The following NALF1 variants were observed in gnomAD, a reference collection of about 807,000 sequenced individuals.
The protein encoded by NALF1 is NALCN channel auxiliary factor 1.
NALF1 carries 3 observed loss-of-function variants against 48.4 expected under a neutral mutation model. The ratio of observed to expected loss-of-function variants is 0.06; its 90% CI spans 0.03 to 0.16. NALF1 has a LOEUF of 0.16. Among genes scored for constraint, NALF1 ranks in the 10% least tolerant of loss-of-function variants. The pLI is 1.00. For missense variants in NALF1, 526 were observed against 571.5 expected, an observed-to-expected ratio of 0.92 and a Z score of 0.81; for synonymous variants, 262 against 245.7, an observed-to-expected ratio of 1.07 and a Z score of -0.62.
chr13:107,188,696 G>A (rs1879225627), intron 2 of NALF1, among the ~76,000 whole-genome samples: 1 of 152,116 alleles, frequency 6.6e-6, no homozygotes, highest in South Asian at 2.1e-4. Flanking sequence ...GAGTAAGGAT[G>A]AGTCCTCCAC....
intron 1 of NALF1, among the ~76,000 whole-genome samples, chr13:107,792,211 T>G (rs191880169): frequency 6.6e-6 from 1 of 152,324 alleles, no homozygotes; most frequent in East Asian, 1.9e-4. Context: ...TCCTATTTGA[T>G]CCATACTAAA....
intron 1 of NALF1, among the ~76,000 whole-genome samples, chr13:107,495,495 A>G (rs1378982980): frequency 6.6e-6 from 1 of 152,222 alleles, no homozygotes; most frequent in African/African-American, 2.4e-5. Context: ...GAATGTTCAC[A>G]AATTCCATAC....
At chr13:107,483,812 A>G (rs539531636) in intron 1 of NALF1, among the ~76,000 whole-genome samples, 1 of 152,128 alleles carries the variant, frequency 6.6e-6, no homozygotes, top group East Asian at 1.9e-4. Context: ...ATATAAATTA[A>G]TATAACATTA....
chr13:107,328,207 A>G (rs9583164), intron 1 of NALF1, among the ~76,000 whole-genome samples: 93 of 151,812 alleles, frequency 6.1e-4, no homozygotes, highest in African/African-American at 2.2e-3. Flanking sequence ...TGTGAGCCAC[A>G]GTGCCTGGCT....
At chr13:107,369,882 T>C (rs1273515437) in intron 1 of NALF1, among the ~76,000 whole-genome samples, 1 of 152,162 alleles carries the variant, frequency 6.6e-6, no homozygotes, top group Non-Finnish European at 1.5e-5. Flanking sequence ...TGATAGTAAT[T>C]GGGGCTTTGT....
At chr13:107,560,169 G>A (rs1877605046) in intron 1 of NALF1, among the ~76,000 whole-genome samples, 1 of 152,166 alleles carries the variant, frequency 6.6e-6, no homozygotes, top group African/African-American at 2.4e-5. Flanking sequence ...TTCAAACAGA[G>A]ATAATCGAAT....
chr13:107,458,456 A>C (rs1016070772), intron 1 of NALF1, among the ~76,000 whole-genome samples: 3 of 152,328 alleles, frequency 2.0e-5, no homozygotes, highest in South Asian at 2.1e-4. Context: ...TGTCGCCGGC[A>C]ATACAGGGAT....
Position 107,170,350 on chromosome 13 carries a change from G to C in NALF1, c.*147C>G. The C allele has an allele frequency of 3.0e-6, 2 of 676,224 alleles. No homozygotes were observed. The highest frequency in any genetic ancestry group is 5.4e-5 in the East Asian group (2 of 36,870). 41.9% of individuals were successfully genotyped at this position (676,224 alleles called of 1,614,324 possible). A position where few individuals can be genotyped will look rare whatever the true frequency, so the allele number is the denominator to read the frequency against. ...AAAGCTGTGGTTGTGTCCTTGTTTG[G>C]ATTCAGGCCCATCTGTTTAAATTTT... On this transcript the variant is annotated 3_prime_UTR_variant, in exon 3 of 3. Coordinates refer to ENST00000375915, the MANE Select transcript of NALF1 (RefSeq NM_001080396.3).
intron 2 of NALF1, among the ~76,000 whole-genome samples, chr13:107,177,623 G>A (rs1219911639): frequency 6.6e-6 from 1 of 152,120 alleles, no homozygotes. Flanking sequence ...CGACAAAGGT[G>A]GCAAATACAT....
chr13:107,177,973 G>A (rs1878972968), intron 2 of NALF1, among the ~76,000 whole-genome samples: 1 of 152,190 alleles, frequency 6.6e-6, no homozygotes, highest in Non-Finnish European at 1.5e-5. Context: ...CTTGAACCCA[G>A]GAGGCAGAGG....
At chr13:107,308,813 T>C (rs1307245708) in intron 1 of NALF1, among the ~76,000 whole-genome samples, 1 of 152,204 alleles carries the variant, frequency 6.6e-6, no homozygotes, top group Non-Finnish European at 1.5e-5. Flanking sequence ...TGACTTACAA[T>C]AGCAAAAGGA....
chr13:107,263,501 ATGT>A (rs1880977764), intron 1 of NALF1, among the ~76,000 whole-genome samples: 2 of 151,992 alleles, frequency 1.3e-5, no homozygotes, highest in South Asian at 4.2e-4. Context: ...TAATTCCCAC[ATGT>A]TGTGGAAGAG....
At chr13:107,305,179 ATCTCTACAATGTGTCCAACACT>A (rs1475488119) in intron 1 of NALF1, among the ~76,000 whole-genome samples, 1 of 152,244 alleles carries the variant, frequency 6.6e-6, no homozygotes, top group African/African-American at 2.4e-5. Context: ...CACTCACAAC[ATCTCTACAATGTGTCCAACACT>A]TTGCTTTAGG....
intron 1 of NALF1, among the ~76,000 whole-genome samples, chr13:107,599,818 A>C (rs189400268): frequency 6.6e-6 from 1 of 152,208 alleles, no homozygotes; most frequent in African/African-American, 2.4e-5. Flanking sequence ...AGTTGTATAG[A>C]GTATGTTAGG....
At chr13:107,760,765 T>C (rs1877239490) in intron 1 of NALF1, among the ~76,000 whole-genome samples, 3 of 152,322 alleles carry the variant, frequency 2.0e-5, no homozygotes, top group South Asian at 4.1e-4. Flanking sequence ...TGTTTTCCTC[T>C]GAAATTTGTG....
chr13:107,234,428 G>A lies in NALF1; in HGVS notation c.916-23673C>T, dbSNP rs541328438. ...TTCATGAAGGGATACGTGTCCTTGA[G>A]GTGGCAGGATTTTGTGTTCTCTGCT... On this transcript the variant is annotated intron_variant, in intron 1 of 2. Coordinates refer to ENST00000375915, the MANE Select transcript of NALF1 (RefSeq NM_001080396.3). Among the ~76,000 whole-genome samples the A allele has an allele frequency of 2.0e-5, 3 of 152,280 alleles. No individual in the cohort carries two copies. The East Asian group carries it at 5.8e-4, about 29-fold the overall frequency.
chr13:107,350,213 C>G (rs748991671), intron 1 of NALF1, among the ~76,000 whole-genome samples: 1 of 152,076 alleles, frequency 6.6e-6, no homozygotes, highest in Non-Finnish European at 1.5e-5. Context: ...CTGTATTGTA[C>G]GTAAAACAGT....
chr13:107,834,699 A>G (rs1056251857), intron 1 of NALF1, among the ~76,000 whole-genome samples: 2 of 152,238 alleles, frequency 1.3e-5, no homozygotes, highest in African/African-American at 2.4e-5. Context: ...TTTAGATGAT[A>G]AAGAACGTTC....
At chr13:107,226,705 A>C (rs2138820710) in intron 1 of NALF1, among the ~76,000 whole-genome samples, 1 of 152,362 alleles carries the variant, frequency 6.6e-6, no homozygotes, top group East Asian at 1.9e-4. Context: ...ACAAAAGCAG[A>C]AGATAACTAC....
Sources: allele counts gnomAD v4.1 joint callset (sites outside exome capture counted in the v4.1 genomes callset), GRCh38; gene constraint gnomAD v4.1.1; transcripts MANE v1.5; gene names NCBI Gene and HGNC (gene_info 2026-07-23, HGNC 2026-07-21).